ABCA13: variants seen among roughly 807,000 people sequenced by gnomAD.
The protein encoded by ABCA13 is ATP-binding cassette sub-family A member 13.
Under a neutral mutation model 478.7 loss-of-function variants are expected in ABCA13, and 476 were observed. That is an observed-to-expected ratio of 0.99 (90% CI 0.92 to 1.07). The LOEUF is 1.07. Ranked by LOEUF, ABCA13 falls within the 50% of genes least tolerant of loss-of-function variation. The probability of loss-of-function intolerance (pLI) is 0.00; values close to 1 mark genes in which losing one functional copy is unlikely to be tolerated. For missense variants in ABCA13, 6,060 were observed against 5,910.6 expected (o/e 1.03, Z -0.83); for synonymous variants, 2,252 against 2,158.9 (o/e 1.04, Z -1.20).
chr7:48,495,639 G>A (rs777557853), intron 48 of ABCA13, among the ~76,000 whole-genome samples: 65 of 152,048 alleles, frequency 4.3e-4, no homozygotes, highest in Admixed American at 8.5e-4. Flanking sequence ...GACACATTTC[G>A]TTTGCTGAGA....
intron 60 of ABCA13, among the ~76,000 whole-genome samples, chr7:48,644,334 TATCTTTGGGC>T (rs1321620148): frequency 2.0e-5 from 3 of 152,206 alleles, no homozygotes; most frequent in Non-Finnish European, 4.4e-5. Context: ...ACATTTCAAA[TATCTTTGGGC>T]ATCTTATGAT....
intron 29 of ABCA13, among the ~76,000 whole-genome samples, chr7:48,344,490 T>C (rs1268313863): frequency 2.0e-5 from 3 of 152,252 alleles, no homozygotes; most frequent in Non-Finnish European, 4.4e-5. Flanking sequence ...CGTTAACTTG[T>C]ATTATTCTCT....
At chr7:48,542,092 C>G (rs1316434870) in intron 55 of ABCA13, among the ~76,000 whole-genome samples, 1 of 151,340 alleles carries the variant, frequency 6.6e-6, no homozygotes, top group Non-Finnish European at 1.5e-5. Flanking sequence ...TCATTGCAGT[C>G]AAGAAATTCT....
intron 59 of ABCA13, among the ~76,000 whole-genome samples, chr7:48,621,345 C>G (rs1193859131): frequency 6.6e-6 from 1 of 152,188 alleles, no homozygotes; most frequent in Non-Finnish European, 1.5e-5. Flanking sequence ...ATTCAGTGTT[C>G]TGCTCCTAGA....
In ABCA13 at chr7:48,278,846, G is replaced by A. The variant is rs1225386958; in HGVS notation, c.7652G>A (p.Ser2551Asn). 2 of 1,613,644 alleles carry A rather than the reference G, an allele frequency of 1.2e-6. No homozygotes were observed. Among genetic ancestry groups the A allele is most frequent in the East Asian group, 2.2e-5 (1 of 44,876 alleles). ...CATTTTATCTCCAATACCAAGGACA[G>A]TGTGAAATTCTTTGACACTCTGTAT... ...KTHFISNTKD[S>N]VKFFDTLYSI... Residue 2551 changes from serine (S) to asparagine (N), a missense_variant, in exon 18 of 62, where the codon AGT becomes AAT. Physicochemically the swap from Ser to Asn is conservative, Grantham distance 46. Transcript: ENST00000435803.
At chr7:48,624,341 G>A (rs957089876) in intron 59 of ABCA13, among the ~76,000 whole-genome samples, 7 of 152,032 alleles carry the variant, frequency 4.6e-5, no homozygotes, top group African/African-American at 1.7e-4. Context: ...AGCTGCATGC[G>A]GCATCTATTT....
chr7:48,362,641 A>G (rs1427240405), intron 31 of ABCA13, among the ~76,000 whole-genome samples: 1 of 151,214 alleles, frequency 6.6e-6, no homozygotes, highest in Non-Finnish European at 1.5e-5. Flanking sequence ...TTTTTCTTTT[A>G]AGCTAATATT....
intron 53 of ABCA13, among the ~76,000 whole-genome samples, chr7:48,522,922 GA>G (rs35637604): frequency 0.084 from 12,779 of 152,246 alleles, 937 homozygotes; most frequent in African/African-American, 0.2. Flanking sequence ...GTTGGAGTGG[GA>G]AGACTTCCAA....
At chr7:48,297,179 T>C in intron 21 of ABCA13, 53 bp from the exon 22 acceptor site, 1 of 1,416,504 alleles carries the variant, frequency 7.1e-7, no homozygotes, top group Non-Finnish European at 9.8e-7. Context: ...ATTCCAACAC[T>C]GTTTCTGATG....
chr7:48,552,990 G>C (rs918751239), intron 55 of ABCA13, among the ~76,000 whole-genome samples: 3 of 147,044 alleles, frequency 2.0e-5, no homozygotes, highest in Non-Finnish European at 4.6e-5. Context: ...CCAGCCTCTG[G>C]TAACTATCCT....
At chr7:48,284,108 A>C (rs921040674) in intron 19 of ABCA13, among the ~76,000 whole-genome samples, 1 of 152,200 alleles carries the variant, frequency 6.6e-6, no homozygotes. Flanking sequence ...GGGCTAGTTC[A>C]TAAGTAAAAA....
In ABCA13 at chr7:48,507,198, G is replaced by A. The variant is rs75816464; in HGVS notation, c.13347-674G>A. 9.9e-3 allele frequency among the ~76,000 whole-genome samples: 1,512 copies of A among 152,178 alleles called. 30 individuals are homozygous for A. The highest frequency in any genetic ancestry group is 0.034 in the African/African-American group (1,403 of 41,496). ...CTAGCTGACATCTGTTGTAGAATGC[G>A]ACACGATGGAGCAGAAGGCATGGCA... is the stretch of plus-strand genomic sequence containing the variant. On this transcript the variant is annotated intron_variant, in intron 49 of 61. Coordinates refer to ENST00000435803, the MANE Select transcript of ABCA13 (RefSeq NM_152701.5).
At chr7:48,556,565 TG>T (rs2131230271) in intron 55 of ABCA13, among the ~76,000 whole-genome samples, 1 of 152,172 alleles carries the variant, frequency 6.6e-6, no homozygotes, top group African/African-American at 2.4e-5. Context: ...TGACCTTCTT[TG>T]TCTCTTCTTA....
chr7:48,401,734 A>G (rs1817632758), intron 38 of ABCA13, among the ~76,000 whole-genome samples: 1 of 91,702 alleles, frequency 1.1e-5, no homozygotes. Context: ...CTTGGCTTCA[A>G]GAATTTTAAA....
At chr7:48,538,556 C>T (rs1313194081) in intron 55 of ABCA13, among the ~76,000 whole-genome samples, 2 of 152,130 alleles carry the variant, frequency 1.3e-5, no homozygotes, top group East Asian at 3.9e-4. Context: ...AGACCACCAA[C>T]CCATAAATTC....
intron 33 of ABCA13, 125 bp downstream of exon 33, chr7:48,372,622 A>G (rs1563142351): frequency 3.8e-6 from 3 of 796,814 alleles, no homozygotes; most frequent in Non-Finnish European, 5.6e-6. Flanking sequence ...GGGCTTTCTG[A>G]TATCTGCTTT....
intron 47 of ABCA13, 107 bp from the exon 48 acceptor site, chr7:48,489,129 G>T: frequency 1.2e-6 from 1 of 856,216 alleles, no homozygotes; most frequent in Non-Finnish European, 1.8e-6. Context: ...GCACTCAGGT[G>T]CCTTGGAAGT....
chr7:48,454,993 C>G, intron 42 of ABCA13, 44 bp from the exon 43 acceptor site: 1 of 1,459,326 alleles, frequency 6.9e-7, no homozygotes, highest in Non-Finnish European at 9.0e-7. Flanking sequence ...GCTGTCACCT[C>G]CGCAGAGCTG....
chr7:48,436,297 A>G (rs1397825492), intron 42 of ABCA13, among the ~76,000 whole-genome samples: 1 of 151,760 alleles, frequency 6.6e-6, no homozygotes, highest in Non-Finnish European at 1.5e-5. Context: ...TATCTAGGTC[A>G]TCAAATATGT....
Sources: gnomAD v4.1 joint callset for allele counts (sites outside exome capture counted in the v4.1 genomes callset) on GRCh38, gnomAD v4.1.1 for gene constraint, MANE v1.5 for transcripts, NCBI Gene and HGNC (gene_info 2026-07-23, HGNC 2026-07-21) for gene names.